The following KHDRBS2 variants were observed in gnomAD, a reference collection of about 807,000 sequenced individuals.
The protein encoded by KHDRBS2 is KH RNA binding domain containing, signal transduction associated 2.
Under a neutral mutation model 44.3 loss-of-function variants are expected in KHDRBS2, and 26 were observed. The ratio of observed to expected loss-of-function variants is 0.59; its 90% CI spans 0.43 to 0.81. The LOEUF (loss-of-function observed/expected upper bound fraction) is 0.81, where lower values mean the gene tolerates loss of function less well. Ranked by LOEUF, KHDRBS2 falls within the 40% of genes least tolerant of loss-of-function variation. The probability of loss-of-function intolerance (pLI) is 0.00; values close to 1 mark genes in which losing one functional copy is unlikely to be tolerated. For synonymous variants in KHDRBS2, 194 were observed against 151.1 expected, an observed-to-expected ratio of 1.28 and a Z score of -2.08; for missense variants, 476 against 433.1, an observed-to-expected ratio of 1.10 and a Z score of -0.88.
the KHDRBS2 span, among the ~76,000 whole-genome samples, chr6:61,561,201 C>A: frequency 6.6e-6 from 1 of 152,172 alleles, no homozygotes; most frequent in Non-Finnish European, 1.5e-5. Context: ...CTCTCTCTCT[C>A]TCCTTCTCTG....
At chr6:61,942,693 C>A (rs577031945) in intron 4 of KHDRBS2, among the ~76,000 whole-genome samples, 2 of 151,918 alleles carry the variant, frequency 1.3e-5, no homozygotes, top group Non-Finnish European at 2.9e-5. Flanking sequence ...CCAAGTCTAG[C>A]GAGAAATTTA....
intron 3 of KHDRBS2, among the ~76,000 whole-genome samples, chr6:61,987,722 A>G (rs1775319090): frequency 6.6e-6 from 1 of 152,180 alleles, no homozygotes; most frequent in Non-Finnish European, 1.5e-5. Context: ...GTTGCCCCAA[A>G]TTTACACACA....
At chr6:61,915,753 T>A (rs1806879972) in intron 4 of KHDRBS2, among the ~76,000 whole-genome samples, 2 of 152,050 alleles carry the variant, frequency 1.3e-5, no homozygotes, top group African/African-American at 4.8e-5. Context: ...AAAAGAGTTT[T>A]ATGCTTTGGT....
chr6:62,222,608 G>A (rs1831091046), intron 1 of KHDRBS2, among the ~76,000 whole-genome samples: 1 of 152,034 alleles, frequency 6.6e-6, no homozygotes, highest in Non-Finnish European at 1.5e-5. Flanking sequence ...GATTTGAATG[G>A]GGACACAGCC....
intron 2 of KHDRBS2, among the ~76,000 whole-genome samples, chr6:62,106,665 T>C (rs1373054681): frequency 6.6e-6 from 1 of 152,064 alleles, no homozygotes; most frequent in Non-Finnish European, 1.5e-5. Flanking sequence ...ACCAATATCC[T>C]TGATGAACAT....
chr6:61,663,675 C>T, the KHDRBS2 span, among the ~76,000 whole-genome samples: 3 of 149,758 alleles, frequency 2.0e-5, no homozygotes, highest in Non-Finnish European at 4.5e-5. Flanking sequence ...TATTGTTTTC[C>T]ACCACACGGT....
intron 8 of KHDRBS2, 84 bp downstream of exon 8, chr6:61,697,111 G>T: frequency 1.1e-6 from 1 of 934,212 alleles, no homozygotes; most frequent in East Asian, 2.4e-5. Context: ...AAAAACTAGG[G>T]GGAGAAAGAT....
chr6:61,583,068 C>G, the KHDRBS2 span, among the ~76,000 whole-genome samples: 3,696 of 151,806 alleles, frequency 0.024, 70 homozygotes, highest in Middle Eastern at 0.087. Context: ...CTCTTTCACT[C>G]TCATAGGAAA....
At chr6:61,705,828 C>T (rs371334436) in intron 7 of KHDRBS2, among the ~76,000 whole-genome samples, 27 of 151,922 alleles carry the variant, frequency 1.8e-4, no homozygotes, top group African/African-American at 6.0e-4. Flanking sequence ...CTCTGGGAAG[C>T]TTTCTCAGAT....
chr6:61,611,983 A>G, the KHDRBS2 span, among the ~76,000 whole-genome samples: 41 of 152,320 alleles, frequency 2.7e-4, no homozygotes, highest in African/African-American at 9.1e-4. Flanking sequence ...TATAGGAGAG[A>G]GCTAATAGAA....
At chr6:61,631,654 C>A in the KHDRBS2 span, among the ~76,000 whole-genome samples, 6,759 of 152,072 alleles carry the variant, frequency 0.044, 157 homozygotes, top group East Asian at 0.085. Context: ...AACAATATGG[C>A]AGAAATCCTT....
intron 3 of KHDRBS2, among the ~76,000 whole-genome samples, chr6:62,034,147 C>T (rs1390712161): frequency 6.6e-6 from 1 of 151,770 alleles, no homozygotes; most frequent in Non-Finnish European, 1.5e-5. Flanking sequence ...AGACCAACAA[C>T]AAGTAATGAG....
chr6:61,657,699 T>G, the KHDRBS2 span, among the ~76,000 whole-genome samples: 2 of 151,960 alleles, frequency 1.3e-5, no homozygotes, highest in African/African-American at 2.4e-5. Flanking sequence ...GAAGGACTGA[T>G]CTGAGAAGAG....
Position 62,099,068 on chromosome 6 carries a change from G to T in KHDRBS2, c.220-51074C>A, listed in dbSNP as rs1801275069. Among the ~76,000 whole-genome samples the T allele has an allele frequency of 2.0e-5, 3 of 152,172 alleles. No homozygotes were observed. In the South Asian group the frequency reaches 6.2e-4, roughly 32 times the overall value. The stretch of plus-strand genomic sequence containing the variant: ...TCTCTACATATTCTTAAGGTTCATT[G>T]AGTTTCCTTGAACAGCTATTTTAAA... On this transcript the variant is annotated intron_variant, in intron 2 of 8. Coordinates refer to ENST00000281156, the MANE Select transcript of KHDRBS2 (RefSeq NM_152688.4).
chr6:62,249,681 C>A (rs574494448), intron 1 of KHDRBS2, among the ~76,000 whole-genome samples: 1 of 151,938 alleles, frequency 6.6e-6, no homozygotes, highest in Non-Finnish European at 1.5e-5. Context: ...AATTGAAAAC[C>A]GCCTGCTTGC....
At chr6:62,152,346 A>T (rs1480725523) in intron 2 of KHDRBS2, among the ~76,000 whole-genome samples, 3 of 152,094 alleles carry the variant, frequency 2.0e-5, no homozygotes, top group Non-Finnish European at 4.4e-5. Flanking sequence ...CAAACAAAAA[A>T]ATACTTACCA....
chr6:62,223,256 C>T lies in KHDRBS2; in HGVS notation c.92-45944G>A, dbSNP rs534674684. Among the ~76,000 whole-genome samples, 5 of 152,380 alleles carry T rather than the reference C, an allele frequency of 3.3e-5. No individual in the cohort carries two copies. In the Middle Eastern group the frequency reaches 0.01, roughly 311 times the overall value. On this transcript the variant is annotated intron_variant, in intron 1 of 8. Transcript: ENST00000281156. ...CAACACCGCGTGGAGGCTGCCAGTGCTTGGGGCTTGCGCCTTCTGAAGCTA... is the reference window on the plus strand; with the variant it reads ...CAACACCGCGTGGAGGCTGCCAGTGTTTGGGGCTTGCGCCTTCTGAAGCTA...
At chr6:62,080,298 CA>C (rs1172303960) in intron 2 of KHDRBS2, among the ~76,000 whole-genome samples, 58 of 152,154 alleles carry the variant, frequency 3.8e-4, no homozygotes, top group African/African-American at 1.4e-3. Context: ...CTATGATGCA[CA>C]AACCTCTATA....
At chr6:61,961,485 G>A (rs1482590567) in intron 4 of KHDRBS2, among the ~76,000 whole-genome samples, 1 of 151,866 alleles carries the variant, frequency 6.6e-6, no homozygotes, top group East Asian at 1.9e-4. Flanking sequence ...GAAGGAAAGA[G>A]ACAGTACTAC....
Sources: gnomAD v4.1 joint callset for allele counts (sites outside exome capture counted in the v4.1 genomes callset) on GRCh38, gnomAD v4.1.1 for gene constraint, MANE v1.5 for transcripts, NCBI Gene and HGNC (gene_info 2026-07-23, HGNC 2026-07-21) for gene names.